Variants in NXPE2 observed in about 807,000 individuals in gnomAD.
The protein encoded by NXPE2 is NXPE family member 2.
In NXPE2, 34 loss-of-function variants were observed where a neutral mutation model predicts 34.4. The ratio of observed to expected loss-of-function variants is 0.99; its 90% CI spans 0.75 to 1.31. The LOEUF (loss-of-function observed/expected upper bound fraction) is 1.31. Among genes scored for constraint, NXPE2 ranks in the 40% most tolerant of loss-of-function variants. The probability of loss-of-function intolerance (pLI) is 0.00; values close to 1 mark genes in which losing one functional copy is unlikely to be tolerated. For missense variants in NXPE2, 649 were observed against 672.5 expected (o/e 0.97, Z 0.39); for synonymous variants, 235 against 231.3 (o/e 1.02, Z -0.15).
the NXPE2 span, among the ~76,000 whole-genome samples, chr11:114,540,974 C>T: frequency 2.8e-5 from 4 of 144,990 alleles, no homozygotes; most frequent in East Asian, 6.3e-4. Flanking sequence ...AAGGTCATGC[C>T]GCAATTTCTG....
At chr11:114,786,868 A>C in the NXPE2 span, among the ~76,000 whole-genome samples, 1 of 152,136 alleles carries the variant, frequency 6.6e-6, no homozygotes, top group South Asian at 2.1e-4. Context: ...ACAGTGGTGC[A>C]CACATACAGC....
chr11:114,678,812 TGTAGATA>T (rs1396050677), intron 1 of NXPE2, among the ~76,000 whole-genome samples: 1 of 151,842 alleles, frequency 6.6e-6, no homozygotes, highest in Non-Finnish European at 1.5e-5. Flanking sequence ...TTGTGTGCAG[TGTAGATA>T]GTATTGTTTT....
At chr11:114,571,243 T>C in the NXPE2 span, 1 of 1,614,018 alleles carries the variant, frequency 6.2e-7, no homozygotes, top group Non-Finnish European at 8.5e-7. Context: ...AAAACATCAA[T>C]GGGAAAGGGT....
the NXPE2 span, among the ~76,000 whole-genome samples, chr11:114,469,247 G>C: frequency 2.0e-5 from 3 of 151,002 alleles, no homozygotes; most frequent in Non-Finnish European, 2.9e-5. Flanking sequence ...GAGTAGCTGG[G>C]ACTACAGGCG....
chr11:114,502,429 C>T, the NXPE2 span, among the ~76,000 whole-genome samples: 1 of 152,186 alleles, frequency 6.6e-6, no homozygotes, highest in African/African-American at 2.4e-5. Context: ...TCAGGTCTAT[C>T]TTCAGTTTCA....
chr11:114,580,418 A>T, the NXPE2 span: 3 of 1,165,160 alleles, frequency 2.6e-6, no homozygotes, highest in Non-Finnish European at 3.8e-6. Flanking sequence ...TCTATCCTCT[A>T]AGTATCCTAA....
At chr11:114,532,388 A>G in the NXPE2 span, among the ~76,000 whole-genome samples, 1 of 152,152 alleles carries the variant, frequency 6.6e-6, no homozygotes, top group African/African-American at 2.4e-5. Context: ...GAAAATATAA[A>G]AAACTTACAT....
intron 2 of NXPE2, among the ~76,000 whole-genome samples, chr11:114,688,056 A>C (rs893668796): frequency 6.6e-6 from 1 of 151,994 alleles, no homozygotes; most frequent in Non-Finnish European, 1.5e-5. Context: ...ATTTGACTTC[A>C]TGTTTTCCTA....
At chr11:114,665,161 C>T in the NXPE2 span, among the ~76,000 whole-genome samples, 1 of 152,054 alleles carries the variant, frequency 6.6e-6, no homozygotes, top group East Asian at 1.9e-4. Context: ...TTCCCATGTT[C>T]TTTATGATAA....
the NXPE2 span, among the ~76,000 whole-genome samples, chr11:114,469,047 A>T: frequency 2.6e-5 from 4 of 151,928 alleles, no homozygotes; most frequent in South Asian, 4.2e-4. Context: ...AAATAGTATA[A>T]CCCTGAAATA....
the NXPE2 span, among the ~76,000 whole-genome samples, chr11:114,755,249 A>G: frequency 2.0e-4 from 31 of 152,250 alleles, no homozygotes; most frequent in South Asian, 4.2e-4. Context: ...TTTATTACCC[A>G]TAGGCTGTGT....
chr11:114,512,853 A>T, the NXPE2 span: 1 of 220,258 alleles, frequency 4.5e-6, no homozygotes, highest in Non-Finnish European at 9.1e-6. Flanking sequence ...CTTCTTGGGT[A>T]TGCAGGTACT....
At chr11:114,813,202 T>G in the NXPE2 span, among the ~76,000 whole-genome samples, 2 of 152,174 alleles carry the variant, frequency 1.3e-5, no homozygotes, top group African/African-American at 4.8e-5. Flanking sequence ...ATCAAAAAGG[T>G]GTAATCACAG....
At chr11:114,464,614 A>G in the NXPE2 span, among the ~76,000 whole-genome samples, 1 of 152,202 alleles carries the variant, frequency 6.6e-6, no homozygotes, top group Non-Finnish European at 1.5e-5. Flanking sequence ...ACCATTTACA[A>G]TAGCATAGAA....
At chr11:114,481,365 A>T in the NXPE2 span, among the ~76,000 whole-genome samples, 1 of 152,210 alleles carries the variant, frequency 6.6e-6, no homozygotes. Flanking sequence ...GTTTTAAAAC[A>T]CATACGATAA....
chr11:114,469,109 C>CT, the NXPE2 span, among the ~76,000 whole-genome samples: 830 of 88,858 alleles, frequency 9.3e-3, 10 homozygotes, highest in Non-Finnish European at 0.011. Flanking sequence ...ACAGTGCTAG[C>CT]TTTTTTTTTT....
At chr11:114,675,923 A>G (rs1950853619), upstream of NXPE2, among the ~76,000 whole-genome samples, 1 of 151,958 alleles carries the variant, frequency 6.6e-6, no homozygotes, top group Admixed American at 6.6e-5. Context: ...GGAACCAAAT[A>G]GAGACCCCAG....
the NXPE2 span, among the ~76,000 whole-genome samples, chr11:114,791,858 C>A: frequency 6.6e-6 from 1 of 152,074 alleles, no homozygotes; most frequent in Non-Finnish European, 1.5e-5. Flanking sequence ...AGATCGAGAC[C>A]ATCTGGCTAA....
the NXPE2 span, among the ~76,000 whole-genome samples, chr11:114,504,523 C>T: frequency 2.6e-5 from 4 of 152,164 alleles, no homozygotes; most frequent in East Asian, 1.9e-4. Context: ...GTTGCTGCCA[C>T]ACCCTGGCAC....
Sources: allele counts gnomAD v4.1 joint callset (sites outside exome capture counted in the v4.1 genomes callset), GRCh38; gene constraint gnomAD v4.1.1; transcripts MANE v1.5; gene names NCBI Gene and HGNC (gene_info 2026-07-23, HGNC 2026-07-21).